Variants in PHRF1 observed in about 807,000 individuals in gnomAD.
PHRF1 encodes PHD and RING finger domain-containing protein 1.
In PHRF1, 53 loss-of-function variants were observed where a neutral mutation model predicts 128.9. The observed-to-expected ratio is 0.41, with a 90% CI of 0.33 to 0.52. PHRF1 has a LOEUF of 0.52. Ranked by LOEUF, PHRF1 falls within the 20% of genes least tolerant of loss-of-function variation. PHRF1 has a pLI of 0.21. For synonymous variants in PHRF1, 1,178 were observed against 980.6 expected (o/e 1.20, Z -3.76); for missense variants, 2,503 against 2,284.5 (o/e 1.10, Z -1.95).
intron 9 of PHRF1, 119 bp downstream of exon 9, chr11:598,621 TTC>T: frequency 7.1e-7 from 1 of 1,413,430 alleles, no homozygotes; most frequent in Admixed American, 2.5e-5. Flanking sequence ...CAAGTTAATC[TTC>T]TCTGCTGAAA....
At position 605,721 on chromosome 11, in the gene PHRF1, C is replaced by T; in HGVS notation, c.1451C>T (p.Ser484Phe). The change falls in exon 12 of 18, where the codon TCC becomes TTC. Residue 484 changes from serine (S) to phenylalanine (F), a missense_variant. Transcript: ENST00000264555. ...PVARPVSVGL[S>F]RRRLPAAVPE... The stretch of plus-strand genomic sequence containing the variant: ...GCCAGGCCCGTCTCCGTGGGGCTTT[C>T]CAGGTGTGTGAGGGCAGAGGCTTCT... 1 of 1,609,784 alleles carries T rather than the reference C, an allele frequency of 6.2e-7. No individual in the cohort carries two copies. The highest frequency in any genetic ancestry group is 8.5e-7 in the Non-Finnish European group (1 of 1,179,406).
chr11:594,715 G>T (rs183929453), intron 6 of PHRF1, among the ~76,000 whole-genome samples: 1 of 152,324 alleles, frequency 6.6e-6, no homozygotes, highest in Non-Finnish European at 1.5e-5. Context: ...GCCCACCTCG[G>T]CCTCCCAAAG....
At chr11:592,350 G>GT (rs1855022635) in intron 5 of PHRF1, among the ~76,000 whole-genome samples, 1 of 151,856 alleles carries the variant, frequency 6.6e-6, no homozygotes, top group Non-Finnish European at 1.5e-5. Flanking sequence ...TTTGTTTTCT[G>GT]TTGAATACTT....
intron 3 of PHRF1, 107 bp downstream of exon 3, chr11:582,188 T>C: frequency 1.3e-6 from 2 of 1,510,438 alleles, no homozygotes; most frequent in African/African-American, 1.4e-5. Context: ...CAGCTGGCCA[T>C]GTCCCTGCGG....
At chr11:609,929 C>T (rs896387734) in intron 14 of PHRF1, among the ~76,000 whole-genome samples, 3 of 152,156 alleles carry the variant, frequency 2.0e-5, no homozygotes, top group Non-Finnish European at 2.9e-5. Context: ...AGTAGGGCCC[C>T]GGCCACCACA....
rs572826534 is a variant in PHRF1, at chr11:597,295, C to T, written c.719-100C>T. The T allele has an allele frequency of 4.5e-4, 648 of 1,446,436 alleles. 10 individuals carry two copies. The South Asian group carries it at 8.0e-3, about 18-fold the overall frequency. 89.6% of individuals were successfully genotyped at this position (1,446,436 alleles called of 1,614,324 possible). A position where few individuals can be genotyped will look rare whatever the true frequency, so the allele number is the denominator to read the frequency against. Reference sequence around the variant, plus strand: ...CCTGGGTCCTGTGCACAGGTCAGCCCGAGCCAGGGCTGCTACTTGGCCGGC... The same window carrying T: ...CCTGGGTCCTGTGCACAGGTCAGCCTGAGCCAGGGCTGCTACTTGGCCGGC... On this transcript the variant is annotated intron_variant, in intron 7 of 17. Coordinates refer to ENST00000264555, the MANE Select transcript of PHRF1 (RefSeq NM_001286581.2). This position sits in a 1 kb window ranked among gnomAD's most constrained non-coding sequence, Gnocchi z 6.5.
chr11:608,638 G>T lies in PHRF1; in HGVS notation c.3182G>T (p.Ser1061Ile). The T allele has an allele frequency of 6.2e-7, 1 of 1,612,414 alleles. No individual in the cohort carries two copies. The highest frequency in any genetic ancestry group is 8.5e-7 in the Non-Finnish European group (1 of 1,179,796). The change falls in exon 14 of 18, where the codon AGC becomes ATC. Residue 1061 changes from serine (S) to isoleucine (I), a missense_variant. Ser to Ile is a moderately radical substitution (Grantham distance 142, BLOSUM62 -2). Transcript: ENST00000264555. ...SRRSSSDRSS[S>I]RERAKRKKAK... ...CGGTCCTCCAGTGACCGCTCCAGCA[G>T]CCGAGAGCGAGCTAAGAGGAAGAAA...
Position 591,470 on chromosome 11 carries a change from G to C in PHRF1, c.504+3G>C. ...TTGGTGGTAAAATCTTAAGAAAGGT[G>C]AGTGTGGACGCTGCCGTGGAGGCCC... On this transcript the variant is annotated splice_donor_region_variant and intron_variant, in intron 5 of 17. Coordinates refer to ENST00000264555, the MANE Select transcript of PHRF1 (RefSeq NM_001286581.2). 2 of 1,604,702 alleles carry C rather than the reference G, an allele frequency of 1.2e-6. No individual in the cohort carries two copies. Among genetic ancestry groups the C allele is most frequent in the Non-Finnish European group, 8.5e-7 (1 of 1,175,390 alleles).
At chr11:584,404 G>A (rs1032544040) in intron 3 of PHRF1, among the ~76,000 whole-genome samples, 5 of 152,200 alleles carry the variant, frequency 3.3e-5, no homozygotes, top group Admixed American at 1.3e-4. Context: ...CCGTGTCTGC[G>A]CTCACCTTCT....
Position 610,284 on chromosome 11 carries a change from C to T in PHRF1, c.4353C>T (p.Ser1451=), listed in dbSNP as rs375279302. The change falls in exon 15 of 18, where the codon TCC becomes TCT. Residue 1451 remains serine, a synonymous_variant. Transcript: ENST00000264555. ...VAPTGVRQVF[S]ELPFPSHVLP... ...CCACAGGGGTCAGGCAGGTGTTCTC[C>T]GAGCTGCCCTTTCCCAGTCACGTGC... is the stretch of plus-strand genomic sequence containing the variant. 627 of 1,561,302 alleles carry T rather than the reference C, an allele frequency of 4.0e-4. No individual in the cohort carries two copies. Among genetic ancestry groups the T allele is most frequent in the Middle Eastern group, 6.7e-4 (4 of 5,994 alleles).
rs1412897821 is a variant in PHRF1, at chr11:591,422, G to T, written c.459G>T (p.Lys153Asn). Residue 153 changes from lysine (K) to asparagine (N), a missense_variant, in exon 5 of 18, where the codon AAG becomes AAT. Transcript: ENST00000264555. Reference sequence around the variant, plus strand: ...GTCCAGTTGATCGAACTCTATTTAAGTGCATTTGTATTCGAGCTCAATTTG... The same window carrying T: ...GTCCAGTTGATCGAACTCTATTTAATTGCATTTGTATTCGAGCTCAATTTG... Reference protein sequence around the residue: ...NSCPVDRTLFKCICIRAQFGG... With the variant: ...NSCPVDRTLFNCICIRAQFGG... 6.2e-6 allele frequency: 10 copies of T among 1,609,876 alleles called. No individual in the cohort carries two copies. The highest frequency in any genetic ancestry group is 1.3e-5 in the African/African-American group (1 of 74,628).
intron 2 of PHRF1, 70 bp from the exon 3 acceptor site, chr11:581,892 C>T: frequency 6.7e-7 from 1 of 1,487,048 alleles, no homozygotes; most frequent in Non-Finnish European, 8.9e-7. Flanking sequence ...TATGCCTGTG[C>T]AAAGCAACCT....
chr11:608,890 G>T lies in PHRF1; in HGVS notation c.3434G>T (p.Arg1145Leu), dbSNP rs200290962. ...CATCAGCGGGAACGCAGCCACGAGC[G>T]GCCAGACAGGAAGGAGAGTGTGGCG... The part of the protein sequence containing the change: ...HKHQRERSHE[R>L]PDRKESVAWP... The change falls in exon 14 of 18, where the codon CGG (arginine) becomes CTG (leucine). Residue 1145 changes from arginine (R) to leucine (L), a missense_variant. Transcript: ENST00000264555. The T allele has an allele frequency of 7.4e-6, 12 of 1,612,244 alleles. No individual in the cohort carries two copies. The highest frequency in any genetic ancestry group is 8.5e-6 in the Non-Finnish European group (10 of 1,179,770).
At chr11:588,467 C>G (rs1488885737) in intron 4 of PHRF1, among the ~76,000 whole-genome samples, 1 of 152,008 alleles carries the variant, frequency 6.6e-6, no homozygotes, top group Non-Finnish European at 1.5e-5. Context: ...ACAACCTCCA[C>G]CTTCCGGGTT....
At chr11:587,020 G>A (rs1854607573) in intron 3 of PHRF1, among the ~76,000 whole-genome samples, 1 of 152,202 alleles carries the variant, frequency 6.6e-6, no homozygotes, top group South Asian at 2.1e-4. Flanking sequence ...CACTCAGGAC[G>A]CTCAGCTTCC....
chr11:606,316 G>C (rs991972864), intron 12 of PHRF1, 126 bp from the exon 13 acceptor site: 74 of 1,245,390 alleles, frequency 5.9e-5, no homozygotes, highest in Non-Finnish European at 7.5e-5. Context: ...CCAGGGCTGT[G>C]GGGGAGGCGC....
rs950123272 is a variant in PHRF1 at position 608,671 on chromosome 11, A to G, written c.3215A>G (p.Asp1072Gly). Residue 1072 changes from aspartate to glycine, a missense_variant, in exon 14 of 18, where the codon GAC becomes GGC. Transcript: ENST00000264555. ...RERAKRKKAK[D>G]KSREHRRGPW... is the part of the protein sequence containing the mutation. Reference sequence around the variant, plus strand: ...CGAGCTAAGAGGAAGAAAGCCAAGGACAAGAGCAGGGAGCACAGGCGGGGC... The same window carrying G: ...CGAGCTAAGAGGAAGAAAGCCAAGGGCAAGAGCAGGGAGCACAGGCGGGGC... The G allele has an allele frequency of 1.4e-5, 23 of 1,612,288 alleles. No homozygotes were observed. The highest frequency in any genetic ancestry group is 1.6e-5 in the Non-Finnish European group (19 of 1,179,784).
rs767649058 is a variant in PHRF1, at chr11:609,122, C to T, written c.3666C>T (p.Ala1222=). The change falls in exon 14 of 18, where the codon GCC becomes GCT. Residue 1222 remains alanine (A), a synonymous_variant. Coordinates refer to ENST00000264555, the MANE Select transcript of PHRF1 (RefSeq NM_001286581.2). ...GREDLPTRLP[A]LGEAHVSPEV... ...AAGACCTCCCCACCAGGTTGCCAGC[C>T]TTGGGGGAAGCACATGTCTCGCCGG... The T allele has an allele frequency of 8.7e-6, 14 of 1,606,464 alleles. No homozygotes were observed. The highest frequency in any genetic ancestry group is 1.7e-5 in the Admixed American group (1 of 59,930).
rs368390703 is a variant in PHRF1 at position 609,162 on chromosome 11, G to T, written c.3706G>T (p.Asp1236Tyr). 2 of 1,606,128 alleles carry T rather than the reference G, an allele frequency of 1.2e-6. No homozygotes were observed. The highest frequency in any genetic ancestry group is 1.7e-6 in the Non-Finnish European group (2 of 1,178,864). ...TGTCTCGCCGGAGGTGGCTACGGCCGACAAGGCCCCCCTGCAGGCTCCCCC... is the reference window on the plus strand; with the variant it reads ...TGTCTCGCCGGAGGTGGCTACGGCCTACAAGGCCCCCCTGCAGGCTCCCCC... ...AHVSPEVATA[D>Y]KAPLQAPPVL... The change falls in exon 14 of 18, where the codon GAC becomes TAC. Residue 1236 changes from aspartate to tyrosine, a missense_variant. Asp to Tyr is a radical substitution (Grantham distance 160). Transcript: ENST00000264555.
Sources: gnomAD v4.1 joint callset for allele counts (sites outside exome capture counted in the v4.1 genomes callset) on GRCh38, gnomAD v4.1.1 for gene constraint, Gnocchi (gnomAD v3.1) non-coding constraint, MANE v1.5 for transcripts, NCBI Gene and HGNC (gene_info 2026-07-23, HGNC 2026-07-21) for gene names.